Variants in MTR observed in about 807,000 individuals in gnomAD.
MTR encodes methionine synthase.
In MTR, 84 loss-of-function variants were observed where a neutral mutation model predicts 154.8. That is an observed-to-expected ratio of 0.54 (90% CI 0.45 to 0.65). The LOEUF (loss-of-function observed/expected upper bound fraction) is 0.65, where lower values mean the gene tolerates loss of function less well. MTR is among the 30% of genes least tolerant of loss of function. The pLI, the probability that MTR is intolerant of heterozygous loss-of-function variation, is 0.00. For synonymous variants in MTR, 554 were observed against 553.9 expected, an observed-to-expected ratio of 1.00 and a Z score of 0.00; for missense variants, 1,275 against 1,570.2, an observed-to-expected ratio of 0.81 and a Z score of 3.18.
intron 1 of MTR, among the ~76,000 whole-genome samples, chr1:236,802,087 T>C (rs1193461406): frequency 6.6e-6 from 1 of 152,166 alleles, no homozygotes; most frequent in Non-Finnish European, 1.5e-5. Flanking sequence ...GGTGGGACCA[T>C]TGTGCATGGC....
intron 25 of MTR, among the ~76,000 whole-genome samples, chr1:236,883,582 CCTT>C (rs1665869368): frequency 6.6e-6 from 1 of 152,092 alleles, no homozygotes; most frequent in African/African-American, 2.4e-5. Flanking sequence ...GTAGGCATTC[CCTT>C]CTTGTTTCAT....
intron 12 of MTR, among the ~76,000 whole-genome samples, chr1:236,829,797 T>G (rs1450094965): frequency 1.3e-5 from 2 of 152,254 alleles, no homozygotes; most frequent in African/African-American, 4.8e-5. Flanking sequence ...CCTCCCTTTT[T>G]CAGCATGAAT....
chr1:236,840,845 C>T lies in MTR; in HGVS notation c.1515+2246C>T, dbSNP rs576626130. Among the ~76,000 whole-genome samples the T allele has an allele frequency of 2.0e-5, 3 of 152,242 alleles. No individual in the cohort carries two copies. The East Asian group carries it at 5.8e-4, about 29-fold the overall frequency. The stretch of plus-strand genomic sequence containing the variant: ...TATCCTAATTCATGCAGCGATTTCC[C>T]CTTCTAGAATGATTTTTTTAGAGTC... On this transcript the variant is annotated intron_variant, in intron 15 of 32. Coordinates refer to ENST00000366577, the MANE Select transcript of MTR (RefSeq NM_000254.3).
At chr1:236,829,289 A>G (rs1572225083) in intron 12 of MTR, 21 bp downstream of exon 12, 2 of 1,591,204 alleles carry the variant, frequency 1.3e-6, no homozygotes, top group African/African-American at 2.7e-5. Context: ...AAGACCTGGT[A>G]TTCCTGATTG....
At chr1:236,853,135 T>C (rs1664016484) in intron 18 of MTR, 47 bp downstream of exon 18, 1 of 1,594,728 alleles carries the variant, frequency 6.3e-7, no homozygotes, top group Non-Finnish European at 8.6e-7. Context: ...TATCTTTGAA[T>C]GTATTACTCA....
chr1:236,795,852 C>T, intron 1 of MTR, 115 bp downstream of exon 1: 10 of 1,502,184 alleles, frequency 6.7e-6, no homozygotes, highest in Non-Finnish European at 9.2e-6. Flanking sequence ...GGTGTTTCCC[C>T]GCGTGTGGGC....
intron 23 of MTR, 120 bp from the exon 24 acceptor site, chr1:236,874,606 A>G: frequency 1.3e-6 from 1 of 760,358 alleles, no homozygotes; most frequent in East Asian, 2.9e-5. Context: ...TTGGGAATTC[A>G]TGTTAGGTCT....
intron 6 of MTR, 126 bp downstream of exon 6, chr1:236,812,970 ATTC>A: frequency 2.5e-6 from 2 of 784,784 alleles, no homozygotes; most frequent in South Asian, 3.0e-5. Context: ...GCTCCATTTT[ATTC>A]TTGAGTATTT....
chr1:236,840,007 G>C (rs1376450126), intron 15 of MTR, among the ~76,000 whole-genome samples: 2 of 152,204 alleles, frequency 1.3e-5, no homozygotes, highest in African/African-American at 4.8e-5. Flanking sequence ...TCAACTGGGT[G>C]GGGTAGGGAT....
Position 236,835,801 on chromosome 1 carries a change from C to T in MTR, c.1329+114C>T, listed in dbSNP as rs115040933. 277 of 1,408,224 alleles carry T rather than the reference C, an allele frequency of 2.0e-4. 1 individual carries two copies. In the African/African-American group the frequency reaches 3.6e-3, roughly 18 times the overall value. The allele number at this position is 1,408,224 out of a possible 1,614,324, so 87.2% of individuals were successfully genotyped here. On this transcript the variant is annotated intron_variant, in intron 14 of 32. Coordinates refer to ENST00000366577, the MANE Select transcript of MTR (RefSeq NM_000254.3). ...ACTCAAGAACTGGTTTTCTGTTTCT[C>T]AACATCGAAAACAGGGTAGTTTCTG...
intron 18 of MTR, among the ~76,000 whole-genome samples, chr1:236,856,738 G>A (rs754582112): frequency 1.3e-5 from 2 of 151,944 alleles, no homozygotes; most frequent in African/African-American, 2.4e-5. Flanking sequence ...GTGTCCATGT[G>A]TTCTCATTGT....
intron 25 of MTR, among the ~76,000 whole-genome samples, chr1:236,883,259 G>T (rs1332552014): frequency 2.6e-5 from 4 of 152,182 alleles, no homozygotes; most frequent in African/African-American, 9.7e-5. Flanking sequence ...ACACATGATG[G>T]ATTTGATTTT....
intron 1 of MTR, among the ~76,000 whole-genome samples, chr1:236,796,360 T>C (rs1446097817): frequency 6.6e-6 from 1 of 152,142 alleles, no homozygotes; most frequent in East Asian, 1.9e-4. Flanking sequence ...AAAAAGCTAG[T>C]TTAGCACGAG....
At chr1:236,887,430 G>A (rs1271958228) in intron 27 of MTR, among the ~76,000 whole-genome samples, 1 of 152,184 alleles carries the variant, frequency 6.6e-6, no homozygotes, top group Non-Finnish European at 1.5e-5. Context: ...TTTTGGAAAT[G>A]TTGTGAGGGT....
chr1:236,797,453 C>A (rs931054274), intron 1 of MTR, among the ~76,000 whole-genome samples: 1 of 152,058 alleles, frequency 6.6e-6, no homozygotes, highest in Non-Finnish European at 1.5e-5. Context: ...TGGTTTCATC[C>A]TTGCTTAGGA....
chr1:236,887,627 C>T (rs1280709200), intron 27 of MTR, among the ~76,000 whole-genome samples: 3 of 152,226 alleles, frequency 2.0e-5, no homozygotes, highest in East Asian at 3.9e-4. Context: ...CACCTGGCAG[C>T]GGTTGGGATG....
intron 23 of MTR, 37 bp downstream of exon 23, chr1:236,873,877 G>A (rs1665281329): frequency 6.3e-7 from 1 of 1,578,366 alleles, no homozygotes; most frequent in African/African-American, 1.3e-5. Flanking sequence ...TTCTCTAAAT[G>A]TCATATCCCC....
intron 19 of MTR, among the ~76,000 whole-genome samples, chr1:236,860,408 TTG>T (rs1491394457): frequency 1.3e-4 from 18 of 134,286 alleles, no homozygotes; most frequent in East Asian, 2.0e-4. Context: ...TTGTTTTGTT[TTG>T]TTTTTTTTTG....
At chr1:236,842,955 G>A (rs1663347028) in intron 15 of MTR, among the ~76,000 whole-genome samples, 1 of 151,570 alleles carries the variant, frequency 6.6e-6, no homozygotes, top group Non-Finnish European at 1.5e-5. Flanking sequence ...ATGTGGTAAT[G>A]TATGCCTGTA....
Sources: gnomAD v4.1 joint callset for allele counts (sites outside exome capture counted in the v4.1 genomes callset) on GRCh38, gnomAD v4.1.1 for gene constraint, MANE v1.5 for transcripts, NCBI Gene and HGNC (gene_info 2026-07-23, HGNC 2026-07-21) for gene names.